The following RAD54B variants were observed in gnomAD, a reference collection of about 807,000 sequenced individuals.
The protein encoded by RAD54B is RAD54 homolog B, also known as DNA repair and recombination protein RAD54B.
Under a neutral mutation model 95.8 loss-of-function variants are expected in RAD54B, and 78 were observed. The observed-to-expected ratio is 0.81, with a 90% CI of 0.68 to 0.98. The LOEUF is 0.98. RAD54B is among the 50% of genes least tolerant of loss of function. The pLI is 0.00. For synonymous variants in RAD54B, 328 were observed against 354.9 expected (o/e 0.92, Z 0.85); for missense variants, 957 against 1,056.6 (o/e 0.91, Z 1.31).
At chr8:94,407,123 C>T (rs1019705057) in intron 5 of RAD54B, among the ~76,000 whole-genome samples, 4 of 152,052 alleles carry the variant, frequency 2.6e-5, no homozygotes, top group African/African-American at 9.7e-5. Context: ...TCTCTCCTTA[C>T]TAAAAAGTCA....
chr8:94,431,930 A>G, intron 3 of RAD54B: 1 of 1,250,428 alleles, frequency 8.0e-7, no homozygotes, highest in Non-Finnish European at 1.0e-6. Flanking sequence ...AAAGAAGACA[A>G]TAAAAACTAT....
chr8:94,422,894 A>G (rs1029971286), intron 3 of RAD54B, among the ~76,000 whole-genome samples: 3 of 150,146 alleles, frequency 2.0e-5, no homozygotes, highest in Admixed American at 6.6e-5. Context: ...TCTTGTTTTT[A>G]CCTTTTGGAG....
At chr8:94,379,492 C>G (rs1170123717) in intron 12 of RAD54B, among the ~76,000 whole-genome samples, 1 of 152,252 alleles carries the variant, frequency 6.6e-6, no homozygotes, top group African/African-American at 2.4e-5. Context: ...CTCTTGGACT[C>G]TGCCCTGGAC....
Position 94,371,982 on chromosome 8 carries a change from T to G in RAD54B, c.*188A>C. 1.0e-6 allele frequency: 1 copy of G among 1,002,676 alleles called. No homozygotes were observed. Among genetic ancestry groups the G allele is most frequent in the Non-Finnish European group, 1.3e-6 (1 of 746,538 alleles). 62.1% of individuals were successfully genotyped at this position (1,002,676 alleles called of 1,614,324 possible). A position where few individuals can be genotyped will look rare whatever the true frequency, so the allele number is the denominator to read the frequency against. On this transcript the variant is annotated 3_prime_UTR_variant, in exon 15 of 15. Coordinates refer to ENST00000336148, the MANE Select transcript of RAD54B (RefSeq NM_012415.3). ...TTATACAATGATATAAGCACATCTT[T>G]ATTTTTCATTTAAACACTTAATATT...
chr8:94,436,223 C>T (rs1390124680), intron 3 of RAD54B, among the ~76,000 whole-genome samples: 1 of 152,066 alleles, frequency 6.6e-6, no homozygotes, highest in Non-Finnish European at 1.5e-5. Context: ...GAAGTGATGT[C>T]ACAAATTTCA....
chr8:94,396,483 A>G (rs1811149214), intron 8 of RAD54B, among the ~76,000 whole-genome samples: 1 of 151,966 alleles, frequency 6.6e-6, no homozygotes, highest in Admixed American at 6.6e-5. Context: ...ACCTACACCT[A>G]TATCCTCCTG....
intron 3 of RAD54B, among the ~76,000 whole-genome samples, chr8:94,455,087 A>G (rs1812750868): frequency 6.6e-6 from 1 of 152,106 alleles, no homozygotes; most frequent in Non-Finnish European, 1.5e-5. Flanking sequence ...TACCGAATTT[A>G]TTTATTTACT....
intron 6 of RAD54B, among the ~76,000 whole-genome samples, chr8:94,402,039 G>A (rs1201275549): frequency 6.6e-6 from 1 of 152,048 alleles, no homozygotes; most frequent in Non-Finnish European, 1.5e-5. Context: ...AAAAGATGAG[G>A]ATACTTAACC....
chr8:94,444,327 T>C (rs1188414307), intron 3 of RAD54B, among the ~76,000 whole-genome samples: 2 of 151,710 alleles, frequency 1.3e-5, no homozygotes, highest in Non-Finnish European at 2.9e-5. Flanking sequence ...AAACACATTA[T>C]GATCTGACAA....
Position 94,467,488 on chromosome 8 carries a change from G to A in RAD54B, c.52C>T (p.Pro18Ser), listed in dbSNP as rs1429760688. Residue 18 changes from proline (P) to serine (S), a missense_variant, in exon 2 of 15, where the codon CCA (proline) becomes TCA (serine). Physicochemically the swap from Pro to Ser is moderately conservative, Grantham distance 74. Transcript: ENST00000336148. ...SQLQGNSFKK[P>S]KFIPPGRSNP... is the part of the protein sequence containing the mutation. ...CTTCTTCCTGGAGGTATAAATTTTG[G>A]TTTTTTGAAGGAATTCCCCTGCAAC... The A allele has an allele frequency of 6.2e-7, 1 of 1,613,650 alleles. No homozygotes were observed. The highest frequency in any genetic ancestry group is 2.2e-5 in the East Asian group (1 of 44,874).
At chr8:94,424,043 G>T (rs533013279) in intron 3 of RAD54B, among the ~76,000 whole-genome samples, 1 of 152,144 alleles carries the variant, frequency 6.6e-6, no homozygotes, top group Non-Finnish European at 1.5e-5. Flanking sequence ...TGGATGTTAT[G>T]TCCAAGACCC....
intron 3 of RAD54B, among the ~76,000 whole-genome samples, chr8:94,411,689 A>C (rs1041447428): frequency 6.6e-6 from 1 of 152,054 alleles, no homozygotes; most frequent in Non-Finnish European, 1.5e-5. Flanking sequence ...ATTAAGTAAC[A>C]TGACAAGCTG....
chr8:94,403,079 T>G (rs1312870989), intron 6 of RAD54B, among the ~76,000 whole-genome samples: 1 of 152,214 alleles, frequency 6.6e-6, no homozygotes, highest in Non-Finnish European at 1.5e-5. Context: ...CAGTATTCCC[T>G]TAACTTGTCA....
Position 94,407,536 on chromosome 8 carries a change from GA to G in RAD54B, c.683del (p.Phe228SerfsTer59), listed in dbSNP as rs1179789906. 1 of 1,613,966 alleles carries G rather than the reference GA, an allele frequency of 6.2e-7. No individual in the cohort carries two copies. Among genetic ancestry groups the G allele is most frequent in the South Asian group, 1.1e-5 (1 of 91,082 alleles). ...SHSSQVARKC[F>X]SNPFKSVCKP... ...TACAAACACTTTTGAAAGGGTTAGA[GA>G]AACATTTCCTGGCAACCTGAGAAGA... On this transcript the variant is annotated frameshift_variant, in exon 5 of 15. Transcript: ENST00000336148. LOFTEE classifies it high-confidence loss of function.
intron 1 of RAD54B, among the ~76,000 whole-genome samples, chr8:94,469,263 C>CGG (rs1813109582): frequency 6.6e-6 from 1 of 151,976 alleles, no homozygotes; most frequent in Admixed American, 6.6e-5. Context: ...TGTAATAATC[C>CGG]CCATGTCAAG....
At chr8:94,450,835 T>A (rs1210752805) in intron 3 of RAD54B, among the ~76,000 whole-genome samples, 4 of 151,456 alleles carry the variant, frequency 2.6e-5, no homozygotes, top group East Asian at 1.9e-4. Context: ...AAAAAAAAAA[T>A]TTACTATTAA....
intron 2 of RAD54B, among the ~76,000 whole-genome samples, chr8:94,463,004 C>G (rs1402955336): frequency 6.6e-6 from 1 of 151,774 alleles, no homozygotes; most frequent in Non-Finnish European, 1.5e-5. Context: ...GGTAAAACCC[C>G]AACTCTACTG....
At chr8:94,462,675 C>T (rs1274345176) in intron 2 of RAD54B, among the ~76,000 whole-genome samples, 1 of 152,016 alleles carries the variant, frequency 6.6e-6, no homozygotes, top group Non-Finnish European at 1.5e-5. Flanking sequence ...ATGTAACAGA[C>T]AAAGTAAAAA....
chr8:94,406,260 A>C (rs1811387129), intron 5 of RAD54B, among the ~76,000 whole-genome samples: 1 of 152,190 alleles, frequency 6.6e-6, no homozygotes, highest in Admixed American at 6.5e-5. Context: ...AGAACCAGTT[A>C]GTTCAGTGGC....
Sources: gnomAD v4.1 joint callset for allele counts (sites outside exome capture counted in the v4.1 genomes callset) on GRCh38, gnomAD v4.1.1 for gene constraint, MANE v1.5 for transcripts, NCBI Gene and HGNC (gene_info 2026-07-23, HGNC 2026-07-21) for gene names.